The following KIAA0825 variants were observed in gnomAD, a reference collection of about 807,000 sequenced individuals.
The protein encoded by KIAA0825 is KIAA0825, also known as uncharacterized protein KIAA0825.
Under a neutral mutation model 147.6 loss-of-function variants are expected in KIAA0825, and 119 were observed. That is an observed-to-expected ratio of 0.81 (90% CI 0.69 to 0.94). The LOEUF (loss-of-function observed/expected upper bound fraction) is 0.94. Among genes scored for constraint, KIAA0825 ranks in the 40% least tolerant of loss-of-function variants. The probability of loss-of-function intolerance (pLI) is 0.00; values close to 1 mark genes in which losing one functional copy is unlikely to be tolerated. For missense variants in KIAA0825, 1,381 were observed against 1,472.7 expected, an observed-to-expected ratio of 0.94 and a Z score of 1.02; for synonymous variants, 470 against 518.1, an observed-to-expected ratio of 0.91 and a Z score of 1.26.
chr5:94,194,597 A>G lies in KIAA0825; in HGVS notation c.3711-40473T>C, dbSNP rs548422843. Among the ~76,000 whole-genome samples, 4 of 152,278 alleles carry G rather than the reference A, an allele frequency of 2.6e-5. No homozygotes were observed. In the South Asian group the frequency reaches 8.3e-4, roughly 32 times the overall value. On this transcript the variant is annotated intron_variant, in intron 20 of 20. Transcript: ENST00000682413. ...CCACCCATCTGTCTCTGTCAGGGCCACCACCAGGCCGCAGAGGGACAGTCT... is the reference window on the plus strand; with the variant it reads ...CCACCCATCTGTCTCTGTCAGGGCCGCCACCAGGCCGCAGAGGGACAGTCT...
At chr5:94,248,238 A>G (rs573546135) in intron 20 of KIAA0825, among the ~76,000 whole-genome samples, 1 of 152,264 alleles carries the variant, frequency 6.6e-6, no homozygotes, top group East Asian at 1.9e-4. Context: ...AGCAAACAAC[A>G]AAAGCCTCTC....
intron 20 of KIAA0825, among the ~76,000 whole-genome samples, chr5:94,323,201 T>G (rs1234045066): frequency 6.6e-6 from 1 of 151,942 alleles, no homozygotes; most frequent in African/African-American, 2.4e-5. Flanking sequence ...GTATTTTTAT[T>G]TTGTCAAATC....
chr5:94,226,388 G>A (rs1774168689), intron 20 of KIAA0825, among the ~76,000 whole-genome samples: 1 of 152,078 alleles, frequency 6.6e-6, no homozygotes, highest in Admixed American at 6.5e-5. Flanking sequence ...AGGATGTGGA[G>A]GAATAGGAAC....
chr5:94,548,223 A>G (rs944188658), intron 2 of KIAA0825, among the ~76,000 whole-genome samples: 1 of 152,192 alleles, frequency 6.6e-6, no homozygotes, highest in Non-Finnish European at 1.5e-5. Flanking sequence ...TTCAAGATGT[A>G]GACAGTACAA....
chr5:94,394,576 C>G (rs1036811684), intron 17 of KIAA0825, among the ~76,000 whole-genome samples: 9 of 151,988 alleles, frequency 5.9e-5, no homozygotes, highest in African/African-American at 2.2e-4. Flanking sequence ...TGTATGTACC[C>G]CTAGGTATAT....
chr5:94,220,975 T>G (rs1001795432), intron 20 of KIAA0825, among the ~76,000 whole-genome samples: 1 of 152,246 alleles, frequency 6.6e-6, no homozygotes, highest in Non-Finnish European at 1.5e-5. Context: ...CAGTAACCAC[T>G]GATTCATTTT....
intron 1 of KIAA0825, among the ~76,000 whole-genome samples, chr5:94,613,973 CCTT>C (rs1173652806): frequency 6.6e-6 from 1 of 152,184 alleles, no homozygotes; most frequent in East Asian, 1.9e-4. Flanking sequence ...GACCATTTCT[CCTT>C]CTACAAATTG....
chr5:94,334,149 T>A (rs986364937), intron 20 of KIAA0825, among the ~76,000 whole-genome samples: 3 of 150,836 alleles, frequency 2.0e-5, no homozygotes, highest in Non-Finnish European at 4.4e-5. Flanking sequence ...TTAATGATAA[T>A]AGTTAATGGT....
At chr5:94,404,871 G>A (rs1374190442) in intron 15 of KIAA0825, among the ~76,000 whole-genome samples, 3 of 152,226 alleles carry the variant, frequency 2.0e-5, no homozygotes, top group South Asian at 2.1e-4. Context: ...GGGCTTCGGT[G>A]TCCTCATTTA....
chr5:94,529,773 A>G (rs1770401988), intron 3 of KIAA0825, among the ~76,000 whole-genome samples: 1 of 152,192 alleles, frequency 6.6e-6, no homozygotes, highest in Non-Finnish European at 1.5e-5. Context: ...AGATAGCTTC[A>G]TCTATCATGT....
chr5:94,533,589 T>C (rs1437608040), intron 3 of KIAA0825, among the ~76,000 whole-genome samples: 2 of 152,320 alleles, frequency 1.3e-5, no homozygotes, highest in Middle Eastern at 3.4e-3. Context: ...CTGTGTCATA[T>C]TGTGAGCCCA....
At chr5:94,234,394 A>C (rs911634758) in intron 20 of KIAA0825, among the ~76,000 whole-genome samples, 8 of 151,122 alleles carry the variant, frequency 5.3e-5, no homozygotes, top group Non-Finnish European at 1.2e-4. Flanking sequence ...AATAAAAATA[A>C]AAATAAAAAA....
At chr5:94,293,844 T>C (rs756732185) in intron 20 of KIAA0825, among the ~76,000 whole-genome samples, 13 of 152,234 alleles carry the variant, frequency 8.5e-5, no homozygotes, top group Non-Finnish European at 1.3e-4. Flanking sequence ...CTTGTTGCAT[T>C]GATCCTTTTA....
At chr5:94,595,937 T>C (rs752625630) in intron 1 of KIAA0825, among the ~76,000 whole-genome samples, 23 of 152,196 alleles carry the variant, frequency 1.5e-4, no homozygotes, top group Non-Finnish European at 2.8e-4. Context: ...GAGTTATCAT[T>C]GCTCTAGTTC....
At chr5:94,254,443 C>T (rs1776133275) in intron 20 of KIAA0825, among the ~76,000 whole-genome samples, 1 of 152,020 alleles carries the variant, frequency 6.6e-6, no homozygotes, top group Non-Finnish European at 1.5e-5. Context: ...CCAAAATAAC[C>T]AAATGAGAGA....
chr5:94,213,226 T>C (rs991816255), intron 20 of KIAA0825, among the ~76,000 whole-genome samples: 1 of 152,130 alleles, frequency 6.6e-6, no homozygotes, highest in African/African-American at 2.4e-5. Flanking sequence ...CTAGTGGCCA[T>C]AGGAGAAATT....
intron 20 of KIAA0825, among the ~76,000 whole-genome samples, chr5:94,214,674 T>C (rs1303853135): frequency 6.6e-6 from 1 of 152,210 alleles, no homozygotes; most frequent in Non-Finnish European, 1.5e-5. Flanking sequence ...TGGCTCCTAG[T>C]GGCTTAAGAA....
chr5:94,228,298 C>T lies in KIAA0825; in HGVS notation c.3711-74174G>A, dbSNP rs184063870. The stretch of plus-strand genomic sequence containing the variant: ...TTTCTCACCCTTCCCCACACCTCAA[C>T]GGCAACAAGTATGCAGAAAGATCTG... On this transcript the variant is annotated intron_variant, in intron 20 of 20. Coordinates refer to ENST00000682413, the MANE Select transcript of KIAA0825 (RefSeq NM_001145678.3). 1.8e-4 allele frequency among the ~76,000 whole-genome samples: 27 copies of T among 152,290 alleles called. No individual in the cohort carries two copies. In the East Asian group the frequency reaches 4.2e-3, roughly 24 times the overall value.
intron 14 of KIAA0825, 59 bp from the exon 15 acceptor site, chr5:94,417,424 G>T: frequency 7.2e-7 from 1 of 1,380,134 alleles, no homozygotes; most frequent in South Asian, 1.3e-5. Flanking sequence ...CAGTGAATAT[G>T]ATTAAACTCT....
Sources: allele counts gnomAD v4.1 joint callset (sites outside exome capture counted in the v4.1 genomes callset), GRCh38; gene constraint gnomAD v4.1.1; transcripts MANE v1.5; gene names NCBI Gene and HGNC (gene_info 2026-07-23, HGNC 2026-07-21).